Variants in CD101 observed in about 807,000 individuals in gnomAD.
CD101 encodes immunoglobulin superfamily member 2.
A neutral mutation model predicts 98.2 loss-of-function variants in CD101; 76 were observed. That is an observed-to-expected ratio of 0.77 (90% CI 0.64 to 0.94). The LOEUF (loss-of-function observed/expected upper bound fraction) is 0.94. Among genes scored for constraint, CD101 ranks in the 40% least tolerant of loss-of-function variants. The pLI, the probability that CD101 is intolerant of heterozygous loss-of-function variation, is 0.00. For missense variants in CD101, 1,145 were observed against 1,218.8 expected, an observed-to-expected ratio of 0.94 and a Z score of 0.90; for synonymous variants, 471 against 472.7, an observed-to-expected ratio of 1.00 and a Z score of 0.05.
rs1653014744 is a variant in CD101 at position 117,013,567 on chromosome 1, C to T, written c.1003C>T (p.Leu335=). ...EIAHIDAGGV[L]GLKNDYKERA... is the part of the protein sequence containing the mutation. The stretch of plus-strand genomic sequence containing the variant: ...TGCTCACATTGATGCTGGTGGAGTC[C>T]TGGGCCTGAAGAATGACTACAAAGA... The change falls in exon 4 of 10, where the codon CTG becomes TTG. Residue 335 remains leucine (L), a synonymous_variant. Transcript: ENST00000682167. 6.2e-7 allele frequency: 1 copy of T among 1,614,142 alleles called. No individual in the cohort carries two copies. Among genetic ancestry groups the T allele is most frequent in the Non-Finnish European group, 8.5e-7 (1 of 1,180,022 alleles).
In CD101 at chr1:117,017,251, G is replaced by C; in HGVS notation, c.1390G>C (p.Gly464Arg). 1 of 1,614,178 alleles carries C rather than the reference G, an allele frequency of 6.2e-7. No homozygotes were observed. ...ACAGCCCGAGTTTGTGGCTGGCATGGGGCAGGATGGCATTGTGCAGCTGGG... is the reference window on the plus strand; with the variant it reads ...ACAGCCCGAGTTTGTGGCTGGCATGCGGCAGGATGGCATTGTGCAGCTGGG... ...QTQPEFVAGM[G>R]QDGIVQLGAS... The change falls in exon 5 of 10, where the codon GGG becomes CGG. Residue 464 changes from glycine to arginine, a missense_variant. Gly to Arg is a moderately radical substitution (Grantham distance 125). Coordinates refer to ENST00000682167, the MANE Select transcript of CD101 (RefSeq NM_001256106.3).
chr1:117,013,148 T>C (rs1652988492), intron 3 of CD101, among the ~76,000 whole-genome samples: 1 of 152,222 alleles, frequency 6.6e-6, no homozygotes, highest in Non-Finnish European at 1.5e-5. Context: ...GTCATACATT[T>C]GTGCATACAT....
At position 117,013,422 on chromosome 1, in the gene CD101, C is replaced by T; in HGVS notation, c.858C>T (p.Val286=). The T allele has an allele frequency of 6.2e-7, 1 of 1,605,558 alleles. No homozygotes were observed. Among genetic ancestry groups the T allele is most frequent in the Non-Finnish European group, 8.5e-7 (1 of 1,174,452 alleles). The change falls in exon 4 of 10, where the codon GTC becomes GTT. Residue 286 remains valine (V), a synonymous_variant. Coordinates refer to ENST00000682167, the MANE Select transcript of CD101 (RefSeq NM_001256106.3). ...RIQPAVKDFQ[V]NITADSLFAE... ...GTTTCCCAGTGAAAGATTTTCAAGT[C>T]AACATTACAGCTGACAGCTTGTTTG... is the stretch of plus-strand genomic sequence containing the variant.
rs34248572 is a variant in CD101, at chr1:117,034,009, C to T, written c.2974C>T (p.Arg992Trp). 6,178 of 1,614,030 alleles carry T rather than the reference C, an allele frequency of 3.8e-3. 215 individuals carry two copies. The African/African-American group carries it at 0.072, about 19-fold the overall frequency. The change falls in exon 9 of 10, where the codon CGG becomes TGG. Residue 992 changes from arginine (R) to tryptophan (W), a missense_variant. By Grantham distance (101) the Arg-to-Trp change is moderately radical. Transcript: ENST00000682167. ...RKLSTLRSNTRKEKALWVDLK... is the reference protein window; with the variant it reads ...RKLSTLRSNTWKEKALWVDLK... ...GTTGTCAACACTGCGTTCCAACACACGGAAAGAAAAAGCTCTCTGGGTGGA... is the reference window on the plus strand; with the variant it reads ...GTTGTCAACACTGCGTTCCAACACATGGAAAGAAAAAGCTCTCTGGGTGGA...
intron 8 of CD101, among the ~76,000 whole-genome samples, chr1:117,026,993 C>T (rs1011264556): frequency 1.3e-5 from 2 of 152,170 alleles, no homozygotes; most frequent in African/African-American, 4.8e-5. Flanking sequence ...GGGCTGGAAT[C>T]TGACCAGCCT....
chr1:117,019,835 G>C lies in CD101; in HGVS notation c.2017+1275G>C, dbSNP rs1653460734. ...CCTTATGTCCCCACTCCTCACCAGT[G>C]ACCCAAGTTGAAAACCTGAGTCATC... On this transcript the variant is annotated intron_variant, in intron 6 of 9. Transcript: ENST00000682167. The surrounding 1 kb of genome is among the most constrained non-coding windows in gnomAD (Gnocchi z 4.3). Among the ~76,000 whole-genome samples, 1 of 152,084 alleles carries C rather than the reference G, an allele frequency of 6.6e-6. No individual in the cohort carries two copies. Among genetic ancestry groups the C allele is most frequent in the African/African-American group, 2.4e-5 (1 of 41,408 alleles).
rs3736907 is a variant in CD101, at chr1:117,018,307, C to A, written c.1764C>A (p.Ile588=). The A allele has an allele frequency of 0.24, 394,228 of 1,613,986 alleles. 52,255 individuals carry two copies. Among genetic ancestry groups the A allele is most frequent in the Admixed American group, 0.45 (27,216 of 59,986 alleles). The change falls in exon 6 of 10, where the codon ATC becomes ATA. Residue 588 remains isoleucine, a synonymous_variant. Coordinates refer to ENST00000682167, the MANE Select transcript of CD101 (RefSeq NM_001256106.3). This position sits in a 1 kb window ranked among gnomAD's most constrained non-coding sequence, Gnocchi z 4.3. ...AGTTCCAGCCAGCTAGCTCTCACATCTTCCACCAGCTTATTCGAATCACCC... is the reference window on the plus strand; with the variant it reads ...AGTTCCAGCCAGCTAGCTCTCACATATTCCACCAGCTTATTCGAATCACCC... ...TWQFQPASSH[I]FHQLIRITHN...
At position 117,010,288 on chromosome 1, in the gene CD101, G is replaced by C; in HGVS notation, c.424+58G>C. 1 of 1,536,268 alleles carries C rather than the reference G, an allele frequency of 6.5e-7. No individual in the cohort carries two copies. The highest frequency in any genetic ancestry group is 1.4e-5 in the African/African-American group (1 of 72,738). ...CCTGAGAAGCCAGAGTCTCCACCAT[G>C]ACAATATCTTGCAATATGACATGGC... On this transcript the variant is annotated intron_variant, in intron 2 of 9. Transcript: ENST00000682167. This position sits in a 1 kb window ranked among gnomAD's most constrained non-coding sequence, Gnocchi z 5.2.
rs759349995 is a variant in CD101, at chr1:117,001,838, G to A, written c.21G>A (p.Val7=). MAGISY[V]ASFFLLLTKL... is the part of the protein sequence containing the mutation. ...CCCAAATGGCAGGCATCTCATATGT[G>A]GCATCTTTCTTTCTCCTTCTGAGTA... Residue 7 remains valine (V), a synonymous_variant, in exon 1 of 10, where the codon GTG becomes GTA. Transcript: ENST00000682167. The A allele has an allele frequency of 2.5e-6, 4 of 1,613,830 alleles. No individual in the cohort carries two copies. In the Middle Eastern group the frequency reaches 4.9e-4, roughly 199 times the overall value.
chr1:117,030,419 GAA>G (rs1056683844), intron 8 of CD101, among the ~76,000 whole-genome samples: 2 of 148,722 alleles, frequency 1.3e-5, no homozygotes, highest in Admixed American at 1.3e-4. Context: ...GAGAGAGAGA[GAA>G]AGAGACAGAG....
Position 117,009,832 on chromosome 1 carries a change from C to T in CD101, c.44-18C>T. 1 of 1,574,156 alleles carries T rather than the reference C, an allele frequency of 6.4e-7. No individual in the cohort carries two copies. Among genetic ancestry groups the T allele is most frequent in the South Asian group, 1.1e-5 (1 of 87,622 alleles). On this transcript the variant is annotated intron_variant, in intron 1 of 9. Coordinates refer to ENST00000682167, the MANE Select transcript of CD101 (RefSeq NM_001256106.3). ...CACTAATCTCTTTTTATTCCCCTTT[C>T]TTTCTCCTACTTACAAGCTAAGCTC...
At chr1:117,025,285 C>T (rs910157883) in intron 7 of CD101, among the ~76,000 whole-genome samples, 3 of 152,154 alleles carry the variant, frequency 2.0e-5, no homozygotes, top group African/African-American at 7.2e-5. Context: ...ATTGCTTGAA[C>T]CCAGGAGGCA....
At chr1:117,016,685 C>T (rs1411591899) in intron 4 of CD101, among the ~76,000 whole-genome samples, 5 of 152,100 alleles carry the variant, frequency 3.3e-5, no homozygotes, top group Admixed American at 2.0e-4. Context: ...AAAGAGAGAC[C>T]GTATCTCTAC....
chr1:117,024,274 C>T (rs1301202859), intron 7 of CD101, among the ~76,000 whole-genome samples: 5 of 152,162 alleles, frequency 3.3e-5, no homozygotes, highest in East Asian at 3.9e-4. Flanking sequence ...GTCAGGAGTT[C>T]GAGACCAGCC....
Position 117,021,810 on chromosome 1 carries a change from A to C in CD101, c.2255A>C (p.His752Pro). 1 of 1,614,232 alleles carries C rather than the reference A, an allele frequency of 6.2e-7. No homozygotes were observed. The highest frequency in any genetic ancestry group is 8.5e-7 in the Non-Finnish European group (1 of 1,180,032). ...ACCCCACAGAGAAAACAAAAATTTC[A>C]TACTGAGAAGGTTTCCCAAGACTTA... ...FHTPQRKQKFHTEKVSQDLFQ... is the reference protein window; with the variant it reads ...FHTPQRKQKFPTEKVSQDLFQ... The change falls in exon 7 of 10, where the codon CAT (histidine) becomes CCT (proline). Residue 752 changes from histidine (H) to proline (P), a missense_variant. Transcript: ENST00000682167. This position sits in a 1 kb window ranked among gnomAD's most constrained non-coding sequence, Gnocchi z 4.7.
rs1421588439 is a variant in CD101 at position 117,018,135 on chromosome 1, C to T, written c.1613-21C>T. 6.5e-7 allele frequency: 1 copy of T among 1,542,030 alleles called. No homozygotes were observed. On this transcript the variant is annotated intron_variant, in intron 5 of 9. Transcript: ENST00000682167. The surrounding 1 kb of genome is among the most constrained non-coding windows in gnomAD (Gnocchi z 4.3). ...TAATCTGGTAAATATATTAGAAATT[C>T]TGTTTCATTTTTCTGTCTAGAGTCA... is the stretch of plus-strand genomic sequence containing the variant.
intron 8 of CD101, chr1:117,026,192 A>C (rs1653912889): frequency 6.6e-6 from 2 of 301,074 alleles, no homozygotes; most frequent in East Asian, 1.2e-4. Context: ...GTGAGCAATA[A>C]GCTAAGCTTA....
At chr1:117,030,127 A>C (rs147322139) in intron 8 of CD101, among the ~76,000 whole-genome samples, 136 of 152,302 alleles carry the variant, frequency 8.9e-4, no homozygotes, top group African/African-American at 3.2e-3. Flanking sequence ...TCCTTGGGCC[A>C]GATGTGATGG....
At position 117,004,098 on chromosome 1, in the gene CD101, A is replaced by G. The variant is rs1211259509; in HGVS notation, c.43+2238A>G. Among the ~76,000 whole-genome samples the G allele has an allele frequency of 1.3e-5, 2 of 152,044 alleles. No individual in the cohort carries two copies. Among genetic ancestry groups the G allele is most frequent in the African/African-American group, 4.8e-5 (2 of 41,382 alleles). On this transcript the variant is annotated intron_variant, in intron 1 of 9. Coordinates refer to ENST00000682167, the MANE Select transcript of CD101 (RefSeq NM_001256106.3). The surrounding 1 kb of genome is among the most constrained non-coding windows in gnomAD (Gnocchi z 4.1). ...GCAGTTAGCTTTGTCTGCTTGATCTATTTCCCCCACCCAAACTAGCTGCCC... is the reference window on the plus strand; with the variant it reads ...GCAGTTAGCTTTGTCTGCTTGATCTGTTTCCCCCACCCAAACTAGCTGCCC...
Sources: gnomAD v4.1 joint callset for allele counts (sites outside exome capture counted in the v4.1 genomes callset) on GRCh38, gnomAD v4.1.1 for gene constraint, Gnocchi (gnomAD v3.1) non-coding constraint, MANE v1.5 for transcripts, NCBI Gene and HGNC (gene_info 2026-07-23, HGNC 2026-07-21) for gene names.